Variants in ZZZ3 observed in about 807,000 individuals in gnomAD.
The protein encoded by ZZZ3 is ZZ-type zinc finger-containing protein 3.
Under a neutral mutation model 95.2 loss-of-function variants are expected in ZZZ3, and 22 were observed. The observed-to-expected ratio is 0.23, with a 90% CI of 0.17 to 0.33. The LOEUF (loss-of-function observed/expected upper bound fraction) is 0.33, where lower values mean the gene tolerates loss of function less well. Among genes scored for constraint, ZZZ3 ranks in the 10% least tolerant of loss-of-function variants. The probability of loss-of-function intolerance (pLI) is 1.00; values close to 1 mark genes in which losing one functional copy is unlikely to be tolerated. For missense variants in ZZZ3, 885 were observed against 1,066.5 expected (o/e 0.83, Z 2.37); for synonymous variants, 335 against 358.9 (o/e 0.93, Z 0.75).
chr1:77,680,305 T>A (rs940806448), intron 1 of ZZZ3, among the ~76,000 whole-genome samples: 1 of 152,236 alleles, frequency 6.6e-6, no homozygotes, highest in Non-Finnish European at 1.5e-5. Flanking sequence ...CGGGCTGTCC[T>A]CCAACTATTA....
chr1:77,668,727 C>T (rs1671473354), intron 1 of ZZZ3, among the ~76,000 whole-genome samples: 1 of 151,544 alleles, frequency 6.6e-6, no homozygotes, highest in Non-Finnish European at 1.5e-5. Context: ...ATTCCAAGTC[C>T]ATGTTCTTTT....
chr1:77,680,338 A>G (rs1224903376), intron 1 of ZZZ3, among the ~76,000 whole-genome samples: 1 of 152,204 alleles, frequency 6.6e-6, no homozygotes, highest in African/African-American at 2.4e-5. Context: ...TTCTTGCACC[A>G]TGGCTCTTGC....
intron 5 of ZZZ3, among the ~76,000 whole-genome samples, chr1:77,597,032 T>G (rs1664278965): frequency 1.3e-5 from 2 of 152,078 alleles, no homozygotes; most frequent in Admixed American, 6.6e-5. Context: ...CATTCTCCAA[T>G]AGGAACTAGG....
At chr1:77,654,655 C>T (rs1670109386) in intron 1 of ZZZ3, among the ~76,000 whole-genome samples, 1 of 152,156 alleles carries the variant, frequency 6.6e-6, no homozygotes, top group Non-Finnish European at 1.5e-5. Context: ...ATAAACATAA[C>T]TGGCCCTTTT....
intron 1 of ZZZ3, among the ~76,000 whole-genome samples, chr1:77,674,096 A>G (rs1311507656): frequency 6.6e-6 from 1 of 152,148 alleles, no homozygotes; most frequent in Non-Finnish European, 1.5e-5. Flanking sequence ...ATAGCAATAA[A>G]ACACAAAAAA....
intron 12 of ZZZ3, among the ~76,000 whole-genome samples, chr1:77,574,048 C>T (rs1001201298): frequency 2.7e-5 from 4 of 149,706 alleles, no homozygotes; most frequent in Non-Finnish European, 4.4e-5. Context: ...ATTATTTATT[C>T]CAAGATAATT....
chr1:77,666,405 C>G (rs1011896782), intron 1 of ZZZ3, among the ~76,000 whole-genome samples: 2 of 152,044 alleles, frequency 1.3e-5, no homozygotes, highest in Non-Finnish European at 2.9e-5. Flanking sequence ...TGGTGGTGCA[C>G]GCTTGTAATT....
chr1:77,588,950 GCTCAATGCAGC>G (rs1663380253), intron 5 of ZZZ3, among the ~76,000 whole-genome samples: 1 of 152,208 alleles, frequency 6.6e-6, no homozygotes. Flanking sequence ...TCAGATCATG[GCTCAATGCAGC>G]CTCTACCTCT....
chr1:77,576,376 G>A (rs1006329231), intron 11 of ZZZ3, among the ~76,000 whole-genome samples, 156 bp from the exon 12 acceptor site: 20 of 151,958 alleles, frequency 1.3e-4, no homozygotes, highest in African/African-American at 1.9e-4. Context: ...TGTTTTCTGC[G>A]TTTTTAAAGC....
chr1:77,588,147 T>A (rs572334269), intron 5 of ZZZ3, among the ~76,000 whole-genome samples: 1 of 152,328 alleles, frequency 6.6e-6, no homozygotes, highest in African/African-American at 2.4e-5. Flanking sequence ...GCCCAATCCC[T>A]GTGTTGTTCA....
rs747597320 is a variant in ZZZ3, at chr1:77,578,793, A to G, written c.2159T>C (p.Leu720Ser). 2 of 1,554,904 alleles carry G rather than the reference A, an allele frequency of 1.3e-6. No individual in the cohort carries two copies. The highest frequency in any genetic ancestry group is 1.7e-6 in the Non-Finnish European group (2 of 1,155,300). Residue 720 changes from leucine to serine, a missense_variant, in exon 11 of 15, where the codon TTA becomes TCA. Physicochemically the swap from Leu to Ser is moderately radical, Grantham distance 145. Transcript: ENST00000370801. ...TTTTACCTTTTTGGAGTATATATAT[A>G]AGTTTGGTGTTCTGCCTGGTACTGG... is the stretch of plus-strand genomic sequence containing the variant. ...GIPVPGRTPN[L>S]YIYSKKSSTS...
intron 12 of ZZZ3, among the ~76,000 whole-genome samples, chr1:77,569,078 T>C (rs1483190334): frequency 6.6e-6 from 1 of 152,268 alleles, no homozygotes; most frequent in Non-Finnish European, 1.5e-5. Flanking sequence ...GGCTTATACC[T>C]GTAATCCCAG....
chr1:77,589,363 A>G (rs1346377625), intron 5 of ZZZ3, among the ~76,000 whole-genome samples: 1 of 152,118 alleles, frequency 6.6e-6, no homozygotes, highest in Non-Finnish European at 1.5e-5. Flanking sequence ...ACAGGTAAAA[A>G]TCCTGACATC....
rs1311909534 is a variant in ZZZ3 at position 77,639,568 on chromosome 1, C to T, written c.-171G>A. ...TCAGGGTTTCAGACTCTCTCAGCTT[C>T]AGCCATGAAGAATACTAGAACCTCC... On this transcript the variant is annotated 5_prime_UTR_variant, in exon 4 of 15. Coordinates refer to ENST00000370801, the MANE Select transcript of ZZZ3 (RefSeq NM_015534.6). The T allele has an allele frequency of 3.2e-6, 3 of 924,096 alleles. No homozygotes were observed. In the African/African-American group the frequency reaches 5.2e-5, roughly 16 times the overall value. 57.2% of individuals were successfully genotyped at this position (924,096 alleles called of 1,614,324 possible). A position where few individuals can be genotyped will look rare whatever the true frequency, so the allele number is the denominator to read the frequency against.
chr1:77,655,948 C>T (rs1194862069), intron 1 of ZZZ3, among the ~76,000 whole-genome samples: 1 of 152,170 alleles, frequency 6.6e-6, no homozygotes, highest in African/African-American at 2.4e-5. Flanking sequence ...TTTCAAGATA[C>T]ATTAGTTTAG....
In ZZZ3 at chr1:77,563,837, TTATGA is replaced by T. The variant is rs1450695564; in HGVS notation, c.*1798_*1802del. 6.6e-6 allele frequency: 1 copy of T among 152,308 alleles called. No individual in the cohort carries two copies. Among genetic ancestry groups the T allele is most frequent in the South Asian group, 2.1e-4 (1 of 4,828 alleles). The allele number at this position is 152,308 out of a possible 1,614,324, so 9.4% of individuals were successfully genotyped here. A position where few individuals can be genotyped will look rare whatever the true frequency, so the allele number is the denominator to read the frequency against. On this transcript the variant is annotated 3_prime_UTR_variant, in exon 15 of 15. Transcript: ENST00000370801. ...CTCAAGTCCATTTACTTTCCTTCTGTTATGATATATTATATCTATATCATCAGTGA... is the reference window on the plus strand; with the variant it reads ...CTCAAGTCCATTTACTTTCCTTCTGTTATATTATATCTATATCATCAGTGA...
intron 1 of ZZZ3, among the ~76,000 whole-genome samples, chr1:77,663,047 G>C (rs1443012759): frequency 2.0e-5 from 3 of 151,938 alleles, no homozygotes; most frequent in Non-Finnish European, 4.4e-5. Flanking sequence ...GGAAGTTGCA[G>C]TGAACCATGA....
chr1:77,660,079 A>G (rs1469966278), intron 1 of ZZZ3, among the ~76,000 whole-genome samples: 1 of 152,020 alleles, frequency 6.6e-6, no homozygotes, highest in Non-Finnish European at 1.5e-5. Context: ...TGATCCTCCA[A>G]TCTCAACCTC....
chr1:77,639,689 T>C, intron 3 of ZZZ3, 87 bp from the exon 4 acceptor site: 2 of 366,084 alleles, frequency 5.5e-6, no homozygotes, highest in Non-Finnish European at 9.7e-6. Flanking sequence ...TAAGAAGAAA[T>C]ACAGGTACAG....
Sources: allele counts gnomAD v4.1 joint callset (sites outside exome capture counted in the v4.1 genomes callset), GRCh38; gene constraint gnomAD v4.1.1; transcripts MANE v1.5; gene names NCBI Gene and HGNC (gene_info 2026-07-23, HGNC 2026-07-21).